Variants in ELMOD1 observed in about 807,000 individuals in gnomAD.
ELMOD1 encodes the protein ELMO domain-containing protein 1.
A neutral mutation model predicts 46.7 loss-of-function variants in ELMOD1; 21 were observed. That is an observed-to-expected ratio of 0.45 (90% CI 0.32 to 0.65). ELMOD1 has a LOEUF of 0.65. Ranked by LOEUF, ELMOD1 falls within the 30% of genes least tolerant of loss-of-function variation. The probability of loss-of-function intolerance (pLI) is 0.04; values close to 1 mark genes in which losing one functional copy is unlikely to be tolerated. For missense variants in ELMOD1, 348 were observed against 407.8 expected, an observed-to-expected ratio of 0.85 and a Z score of 1.26; for synonymous variants, 122 against 138.2, an observed-to-expected ratio of 0.88 and a Z score of 0.82.
In ELMOD1 at chr11:107,665,612, T is replaced by A. The variant is rs1267573609; in HGVS notation, c.*415T>A. On this transcript the variant is annotated 3_prime_UTR_variant, in exon 12 of 12. Transcript: ENST00000265840. ...ATGTTTCATGACTACTGCTGCTAGC[T>A]CTTCAAGCCAGGTTCATGCTTGGAC... 1 of 160,788 alleles carries A rather than the reference T, an allele frequency of 6.2e-6. No homozygotes were observed. The highest frequency in any genetic ancestry group is 1.8e-4 in the East Asian group (1 of 5,592). 10.0% of individuals were successfully genotyped at this position (160,788 alleles called of 1,614,324 possible).
intron 11 of ELMOD1, among the ~76,000 whole-genome samples, chr11:107,661,524 G>A (rs575018116): frequency 1.3e-5 from 2 of 152,296 alleles, no homozygotes; most frequent in East Asian, 3.9e-4. Context: ...TTAATTCATA[G>A]TATTGGAAAC....
chr11:107,618,323 G>A, intron 2 of ELMOD1, 117 bp downstream of exon 2: 2 of 1,187,594 alleles, frequency 1.7e-6, no homozygotes, highest in Non-Finnish European at 2.4e-6. Context: ...CTAAGATTCT[G>A]TGAAATAGCA....
chr11:107,647,254 G>T (rs1366874221), intron 6 of ELMOD1, among the ~76,000 whole-genome samples: 2 of 151,972 alleles, frequency 1.3e-5, no homozygotes, highest in African/African-American at 4.8e-5. Context: ...GGAGGCTTCA[G>T]TTCATACTTT....
chr11:107,608,023 A>AAAAAAAAAAAG (rs1203065160), intron 1 of ELMOD1, among the ~76,000 whole-genome samples: 7 of 149,924 alleles, frequency 4.7e-5, no homozygotes, highest in African/African-American at 1.7e-4. Context: ...AGTGCTAAAA[A>AAAAAAAAAAAG]AAAAAAAAAA....
intron 10 of ELMOD1, 145 bp downstream of exon 10, chr11:107,654,367 A>G (rs1866584058): frequency 4.2e-6 from 3 of 713,522 alleles, no homozygotes; most frequent in South Asian, 4.0e-5. Flanking sequence ...GTACCCTTCT[A>G]TATGTTTGTG....
At chr11:107,639,952 G>A (rs1288597908) in intron 6 of ELMOD1, among the ~76,000 whole-genome samples, 3 of 152,118 alleles carry the variant, frequency 2.0e-5, no homozygotes, top group Non-Finnish European at 4.4e-5. Flanking sequence ...TATTTTTTCA[G>A]GGAAGAGCTT....
intron 1 of ELMOD1, among the ~76,000 whole-genome samples, chr11:107,613,184 A>C (rs1195989498): frequency 6.6e-6 from 1 of 152,228 alleles, no homozygotes; most frequent in African/African-American, 2.4e-5. Context: ...CTTTTACTTT[A>C]GAGGAGAACA....
At chr11:107,617,821 T>C (rs1565374839) in intron 1 of ELMOD1, among the ~76,000 whole-genome samples, 2 of 152,186 alleles carry the variant, frequency 1.3e-5, no homozygotes, top group Non-Finnish European at 2.9e-5. Context: ...CCTAAAGATA[T>C]AGGAACAATA....
chr11:107,624,316 A>G (rs1464817811), intron 2 of ELMOD1, among the ~76,000 whole-genome samples: 1 of 152,224 alleles, frequency 6.6e-6, no homozygotes, highest in Non-Finnish European at 1.5e-5. Context: ...TAAGTCAATA[A>G]AAGTATTATC....
chr11:107,643,717 A>G (rs1866366720), intron 6 of ELMOD1: 3 of 505,580 alleles, frequency 5.9e-6, no homozygotes, highest in Non-Finnish European at 1.2e-5. Context: ...CAGGTGGCTC[A>G]AGATTTTTGT....
In ELMOD1 at chr11:107,652,043, C is replaced by T. The variant is rs111772199; in HGVS notation, c.647+1135C>T. Among the ~76,000 whole-genome samples the T allele has an allele frequency of 1.5e-3, 234 of 152,270 alleles. 1 individual carries two copies. Among genetic ancestry groups the T allele is most frequent in the African/African-American group, 5.2e-3 (217 of 41,566 alleles). On this transcript the variant is annotated intron_variant, in intron 9 of 11. Coordinates refer to ENST00000265840, the MANE Select transcript of ELMOD1 (RefSeq NM_018712.4). ...TGTAGTCATGTATATAAAATTACCA[C>T]GCTTTATCCCTCAAACTACAATAAA...
intron 5 of ELMOD1, among the ~76,000 whole-genome samples, chr11:107,635,159 C>T (rs1410332029): frequency 1.3e-5 from 2 of 152,168 alleles, no homozygotes; most frequent in Admixed American, 6.5e-5. Flanking sequence ...TCATTCTCTT[C>T]CACACATCTT....
At chr11:107,591,922 G>A in intron 1 of ELMOD1, 1 of 506,308 alleles carries the variant, frequency 2.0e-6, no homozygotes, top group Non-Finnish European at 4.1e-6. Flanking sequence ...AGGAGCGGTC[G>A]GCTGGGCTGT....
At chr11:107,599,779 A>G (rs187559214) in intron 1 of ELMOD1, among the ~76,000 whole-genome samples, 24 of 150,220 alleles carry the variant, frequency 1.6e-4, no homozygotes, top group African/African-American at 5.4e-4. Context: ...AAAAAAAAAA[A>G]CTGTATCCTA....
chr11:107,644,658 T>C (rs1029180683), intron 6 of ELMOD1, among the ~76,000 whole-genome samples: 4 of 151,788 alleles, frequency 2.6e-5, no homozygotes, highest in Non-Finnish European at 5.9e-5. Context: ...GTATTTTTAG[T>C]AGAGACGGGG....
chr11:107,656,042 T>A lies in ELMOD1; in HGVS notation c.808T>A (p.Leu270Met). 6.4e-7 allele frequency: 1 copy of A among 1,556,380 alleles called. No individual in the cohort carries two copies. Residue 270 changes from leucine to methionine, a missense_variant, in exon 11 of 12, where the codon TTG becomes ATG. Leu to Met is a conservative substitution (Grantham distance 15). Coordinates refer to ENST00000265840, the MANE Select transcript of ELMOD1 (RefSeq NM_018712.4). ...CAATATCGCCCCAGAAGCTCCAACATTGTCTCACTTTCAGCAAACATTCTG... is the reference window on the plus strand; with the variant it reads ...CAATATCGCCCCAGAAGCTCCAACAATGTCTCACTTTCAGCAAACATTCTG... ...FYNIAPEAPT[L>M]SHFQQTFCYL...
chr11:107,608,018 T>TAAAAAAAAAAA (rs34472766), intron 1 of ELMOD1, among the ~76,000 whole-genome samples: 21 of 83,248 alleles, frequency 2.5e-4, no homozygotes, highest in East Asian at 7.3e-4. Flanking sequence ...TCATTAGTGC[T>TAAAAAAAAAAA]AAAAAAAAAA....
At chr11:107,596,743 T>G (rs1865497690) in intron 1 of ELMOD1, among the ~76,000 whole-genome samples, 1 of 152,160 alleles carries the variant, frequency 6.6e-6, no homozygotes, top group African/African-American at 2.4e-5. Context: ...ATAATGTATA[T>G]GTAGCCCAAT....
At chr11:107,643,643 C>G (rs1866365357) in intron 6 of ELMOD1, 1 of 532,132 alleles carries the variant, frequency 1.9e-6, no homozygotes, top group Non-Finnish European at 3.9e-6. Context: ...GACAGCAAGT[C>G]CATTTAGCTC....
Sources: allele counts gnomAD v4.1 joint callset (sites outside exome capture counted in the v4.1 genomes callset), GRCh38; gene constraint gnomAD v4.1.1; transcripts MANE v1.5; gene names NCBI Gene and HGNC (gene_info 2026-07-23, HGNC 2026-07-21).